The following SP1 variants were observed in gnomAD, a reference collection of about 807,000 sequenced individuals.
SP1 encodes transcription factor Sp1.
In SP1, 6 loss-of-function variants were observed where a neutral mutation model predicts 66.3. That is an observed-to-expected ratio of 0.09 (90% CI 0.05 to 0.18). SP1 has a LOEUF of 0.18. Among genes scored for constraint, SP1 ranks in the 10% least tolerant of loss-of-function variants. SP1 has a pLI of 1.00. For synonymous variants in SP1, 417 were observed against 360.8 expected, an observed-to-expected ratio of 1.16 and a Z score of -1.77; for missense variants, 848 against 964.5, an observed-to-expected ratio of 0.88 and a Z score of 1.60.
intron 4 of SP1, among the ~76,000 whole-genome samples, chr12:53,408,375 T>G (rs1009710935): frequency 6.0e-5 from 9 of 151,124 alleles, no homozygotes; most frequent in Admixed American, 4.6e-4. Flanking sequence ...TAGCTGGGAT[T>G]ACAGGCATGT....
rs1286960296 is a variant in SP1, at chr12:53,411,635, A to G, written c.*395A>G. 6.8e-6 allele frequency: 1 copy of G among 146,740 alleles called. No individual in the cohort carries two copies. 9.1% of individuals were successfully genotyped at this position (146,740 alleles called of 1,614,324 possible). A position where few individuals can be genotyped will look rare whatever the true frequency, so the allele number is the denominator to read the frequency against. ...ATGATCATTGAAATACTTTTTAACA[A>G]AAAACAGATTCTATATTATTATATA... is the stretch of plus-strand genomic sequence containing the variant. On this transcript the variant is annotated 3_prime_UTR_variant, in exon 6 of 6. Transcript: ENST00000327443.
At chr12:53,393,861 G>C (rs916842683) in intron 3 of SP1, among the ~76,000 whole-genome samples, 12 of 151,502 alleles carry the variant, frequency 7.9e-5, no homozygotes, top group Non-Finnish European at 1.8e-4. Flanking sequence ...GTCTCCCAAA[G>C]TGCTGGGATT....
intron 3 of SP1, among the ~76,000 whole-genome samples, chr12:53,391,615 G>A (rs1020874654): frequency 1.3e-5 from 2 of 151,800 alleles, no homozygotes; most frequent in Non-Finnish European, 2.9e-5. Flanking sequence ...GAGCCACTGC[G>A]CCCAGCCTTT....
intron 4 of SP1, among the ~76,000 whole-genome samples, chr12:53,407,330 AAT>A (rs1491246206): frequency 1.4e-5 from 2 of 145,646 alleles, no homozygotes; most frequent in East Asian, 2.0e-4. Context: ...AAAAAAAAAA[AAT>A]TTTTTTTTTT....
At chr12:53,386,344 G>GAT (rs1938229593) in intron 3 of SP1, among the ~76,000 whole-genome samples, 1 of 152,086 alleles carries the variant, frequency 6.6e-6, no homozygotes, top group South Asian at 2.1e-4. Flanking sequence ...GGAGAGCATT[G>GAT]AAGGGAAAAA....
At chr12:53,380,703 G>T in intron 1 of SP1, 1 of 980,840 alleles carries the variant, frequency 1.0e-6, no homozygotes, top group Non-Finnish European at 1.2e-6. Context: ...CTGCTCCAAG[G>T]CCCTCCTCCC....
intron 4 of SP1, among the ~76,000 whole-genome samples, chr12:53,408,317 A>G (rs1938797651): frequency 7.1e-6 from 1 of 141,162 alleles, no homozygotes; most frequent in African/African-American, 2.6e-5. Context: ...GCTCACTGCA[A>G]CCTCCACCTC....
Position 53,412,106 on chromosome 12 carries a change from G to C in SP1, c.*866G>C, listed in dbSNP as rs1223743633. 1 of 152,190 alleles carries C rather than the reference G, an allele frequency of 6.6e-6. No individual in the cohort carries two copies. Among genetic ancestry groups the C allele is most frequent in the Non-Finnish European group, 1.5e-5 (1 of 68,042 alleles). The allele number at this position is 152,190 out of a possible 1,614,324, so 9.4% of individuals were successfully genotyped here. ...GCCCAGGCTGATGCTTGAAGTAACT[G>C]TGGAGGGAGTGTTCAAAATACTACT... On this transcript the variant is annotated 3_prime_UTR_variant, in exon 6 of 6. Transcript: ENST00000327443.
chr12:53,408,847 A>G (rs1172748822), intron 4 of SP1, among the ~76,000 whole-genome samples: 2 of 151,666 alleles, frequency 1.3e-5, no homozygotes, highest in East Asian at 3.9e-4. Flanking sequence ...TGGAGGTTGC[A>G]GTGAGCCAAG....
intron 3 of SP1, among the ~76,000 whole-genome samples, chr12:53,385,560 A>T (rs754694513): frequency 6.7e-6 from 1 of 149,752 alleles, no homozygotes; most frequent in Admixed American, 6.7e-5. Flanking sequence ...GCGCCACTGC[A>T]CTCCAGCCTG....
chr12:53,396,274 C>G, intron 3 of SP1, among the ~76,000 whole-genome samples: 1 of 102,062 alleles, frequency 9.8e-6, no homozygotes, highest in East Asian at 3.0e-4. Flanking sequence ...GACTCCGTCT[C>G]AAAAAAAAAA....
At chr12:53,395,515 C>A (rs771930993) in intron 3 of SP1, among the ~76,000 whole-genome samples, 3 of 152,174 alleles carry the variant, frequency 2.0e-5, no homozygotes, top group African/African-American at 7.2e-5. Context: ...CACCAGTATA[C>A]TTAGTAATAA....
In SP1 at chr12:53,380,243, C is replaced by G. The variant is rs776582600; in HGVS notation, c.-49C>G. ...GCGTCCGCGTTTTTCCCGGCCCCCC[C>G]CAACCCCCCCGGACAGGACCCCCTT... is the stretch of plus-strand genomic sequence containing the variant. On this transcript the variant is annotated 5_prime_UTR_variant, in exon 1 of 6. Coordinates refer to ENST00000327443, the MANE Select transcript of SP1 (RefSeq NM_138473.3). 4 of 1,338,800 alleles carry G rather than the reference C, an allele frequency of 3.0e-6. No individual in the cohort carries two copies. Among genetic ancestry groups the G allele is most frequent in the Admixed American group, 1.7e-5 (1 of 58,768 alleles). 82.9% of individuals were successfully genotyped at this position (1,338,800 alleles called of 1,614,324 possible). A position where few individuals can be genotyped will look rare whatever the true frequency, so the allele number is the denominator to read the frequency against.
rs61754166 is a variant in SP1, at chr12:53,383,013, C to A, written c.1066C>A (p.Pro356Thr). ...AGGGACCAACTCTCAAGGCCAGACACCCCAGAGGGTCAGTGGGCTACAGGG... is the reference window on the plus strand; with the variant it reads ...AGGGACCAACTCTCAAGGCCAGACAACCCAGAGGGTCAGTGGGCTACAGGG... ...SSGTNSQGQTPQRVSGLQGSD... is the reference protein window; with the variant it reads ...SSGTNSQGQTTQRVSGLQGSD... Residue 356 changes from proline (P) to threonine (T), a missense_variant, in exon 3 of 6, where the codon CCC becomes ACC. Coordinates refer to ENST00000327443, the MANE Select transcript of SP1 (RefSeq NM_138473.3). 2.7e-5 allele frequency: 44 copies of A among 1,614,168 alleles called. No homozygotes were observed. Among genetic ancestry groups the A allele is most frequent in the Admixed American group, 6.7e-5 (4 of 60,022 alleles).
At chr12:53,380,715 C>G (rs571217329) in intron 1 of SP1, 13 of 966,876 alleles carry the variant, frequency 1.3e-5, no homozygotes, top group South Asian at 4.8e-5. Flanking sequence ...CCTCCTCCCC[C>G]CACTTTCCGT....
In SP1 at chr12:53,412,143, C is replaced by A. The variant is rs1222624130; in HGVS notation, c.*903C>A. 6.6e-6 allele frequency: 1 copy of A among 152,170 alleles called. No individual in the cohort carries two copies. The highest frequency in any genetic ancestry group is 1.5e-5 in the Non-Finnish European group (1 of 68,038). 9.4% of individuals were successfully genotyped at this position (152,170 alleles called of 1,614,324 possible). A position where few individuals can be genotyped will look rare whatever the true frequency, so the allele number is the denominator to read the frequency against. ...TTCAAAATACTACTGACGCAGGCAC[C>A]TTCTTGGCGCTGGAGAGTCAAAGGC... On this transcript the variant is annotated 3_prime_UTR_variant, in exon 6 of 6. Transcript: ENST00000327443.
intron 3 of SP1, among the ~76,000 whole-genome samples, chr12:53,398,777 C>T (rs1466228277): frequency 6.6e-6 from 1 of 152,054 alleles, no homozygotes; most frequent in Admixed American, 6.6e-5. Context: ...TTGCAAACTT[C>T]TTTTGAGGAT....
chr12:53,406,875 AGTGCAGTGG>A (rs1943679914), intron 4 of SP1, 122 bp downstream of exon 4: 1 of 807,250 alleles, frequency 1.2e-6, no homozygotes, highest in Admixed American at 2.8e-5. Context: ...CCCAGGCTGG[AGTGCAGTGG>A]CGCAATCTTG....
chr12:53,380,608 C>CG, intron 1 of SP1: 1 of 1,014,138 alleles, frequency 9.9e-7, no homozygotes, highest in Non-Finnish European at 1.2e-6. Flanking sequence ...CTCCTCCCGC[C>CG]GGGGGCTGGA....
Sources: gnomAD v4.1 joint callset for allele counts (sites outside exome capture counted in the v4.1 genomes callset) on GRCh38, gnomAD v4.1.1 for gene constraint, MANE v1.5 for transcripts, NCBI Gene and HGNC (gene_info 2026-07-23, HGNC 2026-07-21) for gene names.